MTMR6: variants seen among roughly 807,000 people sequenced by gnomAD.
MTMR6 encodes the protein myotubularin related protein 6.
Under a neutral mutation model 80.1 loss-of-function variants are expected in MTMR6, and 47 were observed. The ratio of observed to expected loss-of-function variants is 0.59; its 90% CI spans 0.46 to 0.75. The LOEUF is 0.75. Among genes scored for constraint, MTMR6 ranks in the 30% least tolerant of loss-of-function variants. MTMR6 has a pLI of 0.00. For missense variants in MTMR6, 629 were observed against 730.9 expected (o/e 0.86, Z 1.61); for synonymous variants, 254 against 253.0 (o/e 1.00, Z -0.04).
intron 1 of MTMR6, among the ~76,000 whole-genome samples, chr13:25,278,789 G>A (rs1957781588): frequency 6.6e-6 from 1 of 151,330 alleles, no homozygotes; most frequent in African/African-American, 2.4e-5. Flanking sequence ...GGAGGCTGAG[G>A]CATGAGAATC....
chr13:25,249,030 C>T lies in MTMR6; in HGVS notation c.*202G>A. 1 of 584,344 alleles carries T rather than the reference C, an allele frequency of 1.7e-6. No homozygotes were observed. Among genetic ancestry groups the T allele is most frequent in the Non-Finnish European group, 2.9e-6 (1 of 340,104 alleles). The allele number at this position is 584,344 out of a possible 1,614,324, so 36.2% of individuals were successfully genotyped here. ...CAAATACCACTCATTTCTTACAGAA[C>T]TGAATGTCATTCCTTGCTGGAAATG... On this transcript the variant is annotated 3_prime_UTR_variant, in exon 14 of 14. Coordinates refer to ENST00000381801, the MANE Select transcript of MTMR6 (RefSeq NM_004685.5).
At position 25,249,159 on chromosome 13, in the gene MTMR6, G is replaced by C; in HGVS notation, c.*73C>G. 6.6e-7 allele frequency: 1 copy of C among 1,505,314 alleles called. No individual in the cohort carries two copies. Among genetic ancestry groups the C allele is most frequent in the Non-Finnish European group, 9.0e-7 (1 of 1,115,134 alleles). The allele number at this position is 1,505,314 out of a possible 1,614,324, so 93.2% of individuals were successfully genotyped here. The stretch of plus-strand genomic sequence containing the variant: ...ATTGTTATTAGACAAATTCCTTTTG[G>C]TTATGCTTACAGACCATCCTCACAA... On this transcript the variant is annotated 3_prime_UTR_variant, in exon 14 of 14. Coordinates refer to ENST00000381801, the MANE Select transcript of MTMR6 (RefSeq NM_004685.5).
intron 6 of MTMR6, 115 bp downstream of exon 6, chr13:25,261,553 T>C: frequency 2.1e-6 from 2 of 933,452 alleles, no homozygotes; most frequent in East Asian, 5.8e-5. Context: ...TTAGCCTTAG[T>C]TAATTTAAAA....
intron 5 of MTMR6, among the ~76,000 whole-genome samples, chr13:25,264,044 G>A (rs1957396601): frequency 6.6e-6 from 1 of 151,964 alleles, no homozygotes; most frequent in African/African-American, 2.4e-5. Context: ...GAAAAAAATG[G>A]AACTCTGAGC....
intron 6 of MTMR6, chr13:25,260,609 C>T (rs1957312579): frequency 7.8e-7 from 1 of 1,287,508 alleles, no homozygotes; most frequent in Admixed American, 2.3e-5. Context: ...ATTTTCTCAT[C>T]ATTCTGGATT....
At position 25,251,979 on chromosome 13, in the gene MTMR6, T is replaced by G; in HGVS notation, c.1352A>C (p.Lys451Thr). 6.2e-7 allele frequency: 1 copy of G among 1,610,318 alleles called. No individual in the cohort carries two copies. The highest frequency in any genetic ancestry group is 8.5e-7 in the Non-Finnish European group (1 of 1,178,600). Reference protein sequence around the residue: ...CQKEREELKLKEKTYSLWPFL... With the variant: ...CQKEREELKLTEKTYSLWPFL... ...TGGCCACAGGGAATAAGTCTTCTCCTTCAACCTTAATATAATGAGAAAAAC... is the reference window on the plus strand; with the variant it reads ...TGGCCACAGGGAATAAGTCTTCTCCGTCAACCTTAATATAATGAGAAAAAC... The change falls in exon 12 of 14, where the codon AAG becomes ACG. Residue 451 changes from lysine to threonine, a missense_variant. Coordinates refer to ENST00000381801, the MANE Select transcript of MTMR6 (RefSeq NM_004685.5). This position sits in a 1 kb window ranked among gnomAD's most constrained non-coding sequence, Gnocchi z 4.1.
intron 5 of MTMR6, among the ~76,000 whole-genome samples, chr13:25,265,605 C>A (rs950669348): frequency 6.6e-6 from 1 of 151,880 alleles, no homozygotes. Context: ...TGGTGGCACG[C>A]GCCTGCAGTC....
intron 1 of MTMR6, among the ~76,000 whole-genome samples, chr13:25,277,028 T>C (rs921646925): frequency 6.6e-6 from 1 of 152,172 alleles, no homozygotes; most frequent in Middle Eastern, 3.2e-3. Flanking sequence ...ACCTTCCCAC[T>C]ATGCTATACT....
At chr13:25,286,905 G>C (rs140564568) in intron 1 of MTMR6, among the ~76,000 whole-genome samples, 1 of 152,172 alleles carries the variant, frequency 6.6e-6, no homozygotes, top group Non-Finnish European at 1.5e-5. Flanking sequence ...AGACTCCAAA[G>C]TTAAAGGAGC....
At chr13:25,262,088 T>C (rs1957353287) in intron 5 of MTMR6, among the ~76,000 whole-genome samples, 1 of 152,204 alleles carries the variant, frequency 6.6e-6, no homozygotes, top group African/African-American at 2.4e-5. Context: ...AGTAACCTAC[T>C]GTTATCTTCA....
At chr13:25,270,672 T>A (rs1282210482) in intron 2 of MTMR6, among the ~76,000 whole-genome samples, 1 of 152,154 alleles carries the variant, frequency 6.6e-6, no homozygotes, top group Non-Finnish European at 1.5e-5. Context: ...GAAGAAGGGA[T>A]CCAGTGCCTC....
At chr13:25,267,407 G>C (rs1957482819) in intron 3 of MTMR6, among the ~76,000 whole-genome samples, 1 of 152,038 alleles carries the variant, frequency 6.6e-6, no homozygotes, top group African/African-American at 2.4e-5. Flanking sequence ...AAAGGACCTT[G>C]ACCTTCCTTT....
chr13:25,260,846 A>C (rs1241980985), intron 6 of MTMR6, among the ~76,000 whole-genome samples: 2 of 152,202 alleles, frequency 1.3e-5, no homozygotes, highest in Non-Finnish European at 2.9e-5. Flanking sequence ...CCCATAGCAC[A>C]CAAGATGCCT....
intron 6 of MTMR6, chr13:25,260,779 T>C (rs762597101): frequency 2.2e-4 from 121 of 548,958 alleles, no homozygotes; most frequent in Non-Finnish European, 2.9e-4. Context: ...GTTGTTTAAC[T>C]ATGTTAATAA....
intron 1 of MTMR6, among the ~76,000 whole-genome samples, chr13:25,286,167 A>C (rs1957950776): frequency 6.6e-6 from 1 of 152,226 alleles, no homozygotes; most frequent in Non-Finnish European, 1.5e-5. Flanking sequence ...GGTATGCACA[A>C]TGTTAAAGAC....
At chr13:25,284,712 A>C (rs555633204) in intron 1 of MTMR6, among the ~76,000 whole-genome samples, 2 of 152,368 alleles carry the variant, frequency 1.3e-5, no homozygotes, top group Admixed American at 6.5e-5. Flanking sequence ...AAGGCTATGC[A>C]TAATGGAAAC....
chr13:25,269,260 C>G (rs750951957), intron 2 of MTMR6, among the ~76,000 whole-genome samples: 5 of 152,252 alleles, frequency 3.3e-5, no homozygotes, highest in East Asian at 3.9e-4. Context: ...ATATATCACA[C>G]ACTTCAACTT....
At position 25,248,107 on chromosome 13, in the gene MTMR6, T is replaced by C. The variant is rs1395675696; in HGVS notation, c.*1125A>G. 2 of 152,126 alleles carry C rather than the reference T, an allele frequency of 1.3e-5. No homozygotes were observed. Among genetic ancestry groups the C allele is most frequent in the African/African-American group, 4.8e-5 (2 of 41,440 alleles). 9.4% of individuals were successfully genotyped at this position (152,126 alleles called of 1,614,324 possible). A position where few individuals can be genotyped will look rare whatever the true frequency, so the allele number is the denominator to read the frequency against. ...TAACTTTGTACTAGAATCTCTTTTT[T>C]TTTCTATATTTAACAAGAAGAAAAA... On this transcript the variant is annotated 3_prime_UTR_variant, in exon 14 of 14. Coordinates refer to ENST00000381801, the MANE Select transcript of MTMR6 (RefSeq NM_004685.5).
intron 10 of MTMR6, 139 bp from the exon 11 acceptor site, chr13:25,254,103 A>G: frequency 1.1e-6 from 1 of 910,756 alleles, no homozygotes; most frequent in Non-Finnish European, 1.6e-6. Context: ...TATTGAAACC[A>G]TTTATGAGTT....
Sources: gnomAD v4.1 joint callset for allele counts (sites outside exome capture counted in the v4.1 genomes callset) on GRCh38, gnomAD v4.1.1 for gene constraint, Gnocchi (gnomAD v3.1) non-coding constraint, MANE v1.5 for transcripts, NCBI Gene and HGNC (gene_info 2026-07-23, HGNC 2026-07-21) for gene names.